Variants in ITSN1 observed in about 807,000 individuals in gnomAD.
ITSN1 encodes the protein intersectin 1, also known as intersectin-1.
ITSN1 carries 58 observed loss-of-function variants against 239.8 expected under a neutral mutation model. The observed-to-expected ratio is 0.24, with a 90% CI of 0.20 to 0.30. The LOEUF is 0.30. ITSN1 is among the 10% of genes least tolerant of loss of function. The pLI is 1.00. For missense variants in ITSN1, 1,558 were observed against 2,103.3 expected, an observed-to-expected ratio of 0.74 and a Z score of 5.07; for synonymous variants, 780 against 770.8, an observed-to-expected ratio of 1.01 and a Z score of -0.20.
chr21:33,757,999 C>T (rs1389832122), intron 8 of ITSN1, among the ~76,000 whole-genome samples: 1 of 152,136 alleles, frequency 6.6e-6, no homozygotes, highest in Non-Finnish European at 1.5e-5. Context: ...ACCTTAGCCT[C>T]CTGAGTAGCA....
Position 33,689,194 on chromosome 21 carries a change from A to T in ITSN1, c.-32-29603A>T, listed in dbSNP as rs2091392313. 2.0e-5 allele frequency: 3 copies of T among 152,206 alleles called. No homozygotes were observed. The South Asian group carries it at 6.2e-4, about 32-fold the overall frequency. The allele number at this position is 152,206 out of a possible 1,614,324, so 9.4% of individuals were successfully genotyped here. The stretch of plus-strand genomic sequence containing the variant: ...AGGATTGCCTAATGTTGACTTACTG[A>T]TTTAGAATATCATTCTCTTGGTATG... On this transcript the variant is annotated intron_variant, in intron 1 of 39. Coordinates refer to ENST00000381318, the MANE Select transcript of ITSN1 (RefSeq NM_003024.3).
chr21:33,859,500 C>G (rs925474117), intron 31 of ITSN1, among the ~76,000 whole-genome samples: 1 of 152,160 alleles, frequency 6.6e-6, no homozygotes, highest in Non-Finnish European at 1.5e-5. Flanking sequence ...ATTGTAACAT[C>G]ACTTGCTAGA....
chr21:33,705,132 C>G, intron 1 of ITSN1, among the ~76,000 whole-genome samples: 1 of 139,820 alleles, frequency 7.2e-6, no homozygotes, highest in East Asian at 2.1e-4. Flanking sequence ...AAAAAAAAGA[C>G]AAAATGTTTT....
intron 33 of ITSN1, among the ~76,000 whole-genome samples, 178 bp downstream of exon 33, chr21:33,867,509 G>C (rs940847038): frequency 6.6e-6 from 1 of 151,912 alleles, no homozygotes; most frequent in African/African-American, 2.4e-5. Context: ...GGTTTATCAC[G>C]CAAAGAGCTG....
chr21:33,862,616 C>G (rs767775130), intron 31 of ITSN1, among the ~76,000 whole-genome samples: 1 of 152,060 alleles, frequency 6.6e-6, no homozygotes, highest in Admixed American at 6.6e-5. Flanking sequence ...AGGGCAGCCG[C>G]GTCTGGGAAG....
chr21:33,834,580 A>C (rs999884993), intron 28 of ITSN1, among the ~76,000 whole-genome samples, 156 bp downstream of exon 28: 27 of 152,190 alleles, frequency 1.8e-4, no homozygotes, highest in African/African-American at 6.3e-4. Flanking sequence ...TGTGATATGG[A>C]ATATGTCTTT....
intron 1 of ITSN1, among the ~76,000 whole-genome samples, chr21:33,687,234 A>G (rs1487465974): frequency 6.9e-6 from 1 of 145,480 alleles, no homozygotes; most frequent in Non-Finnish European, 1.5e-5. Flanking sequence ...CTGTCTCAAA[A>G]GAAAAAAAAA....
intron 1 of ITSN1, among the ~76,000 whole-genome samples, chr21:33,703,147 T>A (rs1400531684): frequency 6.7e-6 from 1 of 150,198 alleles, no homozygotes; most frequent in African/African-American, 2.4e-5. Flanking sequence ...AAATTGTATA[T>A]ATATAAAGAA....
At chr21:33,661,113 G>A (rs780222460) in intron 1 of ITSN1, among the ~76,000 whole-genome samples, 43 of 152,156 alleles carry the variant, frequency 2.8e-4, no homozygotes, top group Non-Finnish European at 5.4e-4. Flanking sequence ...TGAACAGCAA[G>A]TACTGTCAGT....
At chr21:33,804,113 G>A (rs1602332207) in intron 20 of ITSN1, among the ~76,000 whole-genome samples, 5 of 152,182 alleles carry the variant, frequency 3.3e-5, no homozygotes, top group Admixed American at 3.3e-4. Context: ...GAAAAATCCG[G>A]GGTTCACTTA....
intron 1 of ITSN1, among the ~76,000 whole-genome samples, chr21:33,689,002 G>A (rs2091382325): frequency 6.6e-6 from 1 of 151,832 alleles, no homozygotes; most frequent in Admixed American, 6.6e-5. Context: ...TAGTAGAGAT[G>A]GGGTTTCACC....
chr21:33,711,275 G>A (rs1234213150), intron 1 of ITSN1, among the ~76,000 whole-genome samples: 1 of 150,852 alleles, frequency 6.6e-6, no homozygotes, highest in Non-Finnish European at 1.5e-5. Flanking sequence ...TTATTTCTAC[G>A]ATTTTTTTTT....
chr21:33,834,311 G>T lies in ITSN1; in HGVS notation c.3356G>T (p.Arg1119Leu). 1 of 1,612,878 alleles carries T rather than the reference G, an allele frequency of 6.2e-7. No homozygotes were observed. The highest frequency in any genetic ancestry group is 1.3e-5 in the African/African-American group (1 of 75,026). ...GGWWEGELQA[R>L]GKKRQIGWFP... ...ATGTAATTATTTTCTTACTAGGCAC[G>T]TGGGAAAAAGCGCCAGATAGGCTGG... Residue 1119 changes from arginine to leucine, a missense_variant, in exon 28 of 40, where the codon CGT becomes CTT. Physicochemically the swap from Arg to Leu is moderately radical, Grantham distance 102. This residue lies in a region of ITSN1 where 576 missense variants were observed against 893.3 expected (regional missense o/e 0.64). Transcript: ENST00000381318.
intron 31 of ITSN1, among the ~76,000 whole-genome samples, chr21:33,863,868 C>A (rs1310385241): frequency 6.6e-6 from 1 of 152,196 alleles, no homozygotes; most frequent in Non-Finnish European, 1.5e-5. Context: ...GGGGCAGTGG[C>A]CTTTGGGCCA....
chr21:33,656,046 A>G (rs2089043188), intron 1 of ITSN1, among the ~76,000 whole-genome samples: 2 of 152,132 alleles, frequency 1.3e-5, no homozygotes, highest in Admixed American at 6.5e-5. Context: ...GAGCTTTTTC[A>G]TTTCCAAGTG....
intron 1 of ITSN1, among the ~76,000 whole-genome samples, chr21:33,691,309 T>C (rs2091535806): frequency 6.6e-6 from 1 of 152,224 alleles, no homozygotes; most frequent in South Asian, 2.1e-4. Flanking sequence ...TACTGGATTA[T>C]AATGGTGACT....
At chr21:33,750,120 G>A (rs1051420485) in intron 5 of ITSN1, 23 bp from the exon 6 acceptor site, 7 of 1,610,680 alleles carry the variant, frequency 4.3e-6, no homozygotes, top group Non-Finnish European at 5.9e-6. Flanking sequence ...TGTGAATGGT[G>A]TTGAGCTGTT....
At chr21:33,719,302 G>A (rs1345494228) in intron 2 of ITSN1, among the ~76,000 whole-genome samples, 4 of 152,138 alleles carry the variant, frequency 2.6e-5, no homozygotes, top group East Asian at 1.9e-4. Flanking sequence ...TTAGCCGGGC[G>A]TGGTGGCAGG....
At chr21:33,701,276 T>C (rs938739029) in intron 1 of ITSN1, among the ~76,000 whole-genome samples, 7 of 152,210 alleles carry the variant, frequency 4.6e-5, no homozygotes, top group South Asian at 4.2e-4. Flanking sequence ...TTTTTGTGTA[T>C]TTTTTGTAGA....
Sources: allele counts gnomAD v4.1 joint callset (sites outside exome capture counted in the v4.1 genomes callset), GRCh38; gene constraint gnomAD v4.1.1; regional missense constraint gnomAD v4.1.1; transcripts MANE v1.5; gene names NCBI Gene and HGNC (gene_info 2026-07-23, HGNC 2026-07-21).